Variants in SLC8A3 observed in about 807,000 individuals in gnomAD.
The protein encoded by SLC8A3 is sodium/calcium exchanger 3.
In SLC8A3, 37 loss-of-function variants were observed where a neutral mutation model predicts 65.4. The observed-to-expected ratio is 0.57, with a 90% CI of 0.44 to 0.74. The LOEUF (loss-of-function observed/expected upper bound fraction) is 0.74, where lower values mean the gene tolerates loss of function less well. Ranked by LOEUF, SLC8A3 falls within the 30% of genes least tolerant of loss-of-function variation. SLC8A3 has a pLI of 0.00. For synonymous variants in SLC8A3, 461 were observed against 444.5 expected (o/e 1.04, Z -0.47); for missense variants, 1,112 against 1,172.1 (o/e 0.95, Z 0.75).
At chr14:70,149,809 T>A (rs1486417667) in intron 2 of SLC8A3, among the ~76,000 whole-genome samples, 1 of 152,208 alleles carries the variant, frequency 6.6e-6, no homozygotes, top group Non-Finnish European at 1.5e-5. Context: ...TCCATCTTTC[T>A]TTCCCTTCAT....
Position 70,044,822 on chromosome 14 carries a change from A to G in SLC8A3, c.*1125T>C, listed in dbSNP as rs1886577601. 1 of 152,244 alleles carries G rather than the reference A, an allele frequency of 6.6e-6. No individual in the cohort carries two copies. Among genetic ancestry groups the G allele is most frequent in the African/African-American group, 2.4e-5 (1 of 41,452 alleles). 9.4% of individuals were successfully genotyped at this position (152,244 alleles called of 1,614,324 possible). ...ATAGTCAGCCCTCTTTGTATAGAGC[A>G]TTAGGAAGCAAGAGCGTGGTGAAGC... On this transcript the variant is annotated 3_prime_UTR_variant, in exon 7 of 7. Coordinates refer to ENST00000356921, the MANE Select transcript of SLC8A3 (RefSeq NM_182932.3).
intron 2 of SLC8A3, among the ~76,000 whole-genome samples, chr14:70,101,117 T>A (rs975773816): frequency 6.6e-6 from 1 of 152,208 alleles, no homozygotes; most frequent in Non-Finnish European, 1.5e-5. Flanking sequence ...AATAATACTG[T>A]GGATGTGGTA....
At chr14:70,173,954 G>C (rs981563493) in intron 1 of SLC8A3, among the ~76,000 whole-genome samples, 1 of 152,202 alleles carries the variant, frequency 6.6e-6, no homozygotes, top group African/African-American at 2.4e-5. Context: ...GATATTAAAT[G>C]TTTTTCTTGC....
chr14:70,100,959 A>C (rs1220406018), intron 2 of SLC8A3, among the ~76,000 whole-genome samples: 1 of 152,228 alleles, frequency 6.6e-6, no homozygotes, highest in Admixed American at 6.5e-5. Context: ...GCTATGCAGA[A>C]AATCCTCTTT....
chr14:70,066,696 A>G (rs1889468254), intron 2 of SLC8A3, among the ~76,000 whole-genome samples: 1 of 152,180 alleles, frequency 6.6e-6, no homozygotes, highest in Non-Finnish European at 1.5e-5. Context: ...CTGTAATCCC[A>G]GCTACTTGGG....
chr14:70,113,733 C>T (rs1339148132), intron 2 of SLC8A3, among the ~76,000 whole-genome samples: 1 of 152,194 alleles, frequency 6.6e-6, no homozygotes, highest in Non-Finnish European at 1.5e-5. Context: ...GCTAAATCAA[C>T]ATGCACAGAT....
chr14:70,170,719 C>A (rs1017457615), intron 1 of SLC8A3, among the ~76,000 whole-genome samples: 4 of 152,126 alleles, frequency 2.6e-5, no homozygotes, highest in Non-Finnish European at 5.9e-5. Context: ...CTTCGGGACA[C>A]AAAACATCAG....
intron 2 of SLC8A3, among the ~76,000 whole-genome samples, chr14:70,074,056 A>G (rs1359205365): frequency 2.0e-5 from 3 of 152,230 alleles, no homozygotes; most frequent in Non-Finnish European, 2.9e-5. Context: ...TGAACCCATC[A>G]GGGACTACAC....
chr14:70,068,372 G>A (rs371674560), intron 2 of SLC8A3, among the ~76,000 whole-genome samples: 116 of 152,226 alleles, frequency 7.6e-4, no homozygotes, highest in African/African-American at 2.8e-3. Flanking sequence ...GAACTTTCTT[G>A]TTTCATTCTT....
intron 1 of SLC8A3, among the ~76,000 whole-genome samples, chr14:70,182,626 T>C (rs547286028): frequency 2.0e-5 from 3 of 152,194 alleles, no homozygotes; most frequent in East Asian, 3.9e-4. Context: ...GAATGAGCAG[T>C]CCTTGTTGGA....
intron 2 of SLC8A3, among the ~76,000 whole-genome samples, chr14:70,146,275 A>T (rs1213099174): frequency 6.6e-6 from 1 of 152,188 alleles, no homozygotes; most frequent in Non-Finnish European, 1.5e-5. Flanking sequence ...AGCCAAATTA[A>T]TTTTGGCAGG....
intron 1 of SLC8A3, among the ~76,000 whole-genome samples, chr14:70,169,478 T>C (rs1223076464): frequency 2.0e-5 from 3 of 152,254 alleles, no homozygotes; most frequent in Admixed American, 2.0e-4. Flanking sequence ...CATGCAAATG[T>C]CTCTCAAATA....
chr14:70,074,650 C>T (rs1890311573), intron 2 of SLC8A3, among the ~76,000 whole-genome samples: 1 of 152,178 alleles, frequency 6.6e-6, no homozygotes, highest in Non-Finnish European at 1.5e-5. Context: ...TGATATAGAA[C>T]AGACAGGCAT....
chr14:70,109,256 C>T (rs1212365600), intron 2 of SLC8A3, among the ~76,000 whole-genome samples: 1 of 134,984 alleles, frequency 7.4e-6, no homozygotes, highest in African/African-American at 2.8e-5. Flanking sequence ...AGGTTTGTTA[C>T]ATAGGTATAC....
At position 70,120,022 on chromosome 14, in the gene SLC8A3, G is replaced by A. The variant is rs141967072; in HGVS notation, c.1784+46617C>T. Among the ~76,000 whole-genome samples the A allele has an allele frequency of 5.3e-5, 8 of 152,260 alleles. No individual in the cohort carries two copies. In the East Asian group the frequency reaches 1.4e-3, roughly 26 times the overall value. ...GTGGTGTGTGTCAATGCTAGGCTAGGTGGTTAACTGACAAGTGCCAAACCT... is the reference window on the plus strand; with the variant it reads ...GTGGTGTGTGTCAATGCTAGGCTAGATGGTTAACTGACAAGTGCCAAACCT... On this transcript the variant is annotated intron_variant, in intron 2 of 6. Transcript: ENST00000356921.
intron 2 of SLC8A3, among the ~76,000 whole-genome samples, chr14:70,101,976 G>A (rs546022791): frequency 2.0e-5 from 3 of 152,308 alleles, no homozygotes; most frequent in South Asian, 2.1e-4. Context: ...TATACTTGAC[G>A]TTTAGCTTCC....
intron 2 of SLC8A3, among the ~76,000 whole-genome samples, chr14:70,143,998 T>TC (rs1201807857): frequency 6.6e-6 from 1 of 152,130 alleles, no homozygotes; most frequent in Non-Finnish European, 1.5e-5. Context: ...GGCCATGGCC[T>TC]CGGACAGTAC....
At chr14:70,083,075 A>T (rs1447240765) in intron 2 of SLC8A3, among the ~76,000 whole-genome samples, 1 of 152,166 alleles carries the variant, frequency 6.6e-6, no homozygotes, top group East Asian at 1.9e-4. Context: ...TTCTGATTTT[A>T]AAAACCTTCA....
At chr14:70,066,809 T>TCAAAG (rs1889482136) in intron 2 of SLC8A3, among the ~76,000 whole-genome samples, 1 of 152,142 alleles carries the variant, frequency 6.6e-6, no homozygotes, top group Admixed American at 6.5e-5. Flanking sequence ...AGACTCCTTC[T>TCAAAG]CAAAGCAAAA....
Sources: allele counts gnomAD v4.1 joint callset (sites outside exome capture counted in the v4.1 genomes callset), GRCh38; gene constraint gnomAD v4.1.1; transcripts MANE v1.5; gene names NCBI Gene and HGNC (gene_info 2026-07-23, HGNC 2026-07-21).